Variants in EPHB1 observed in about 807,000 individuals in gnomAD.
EPHB1 encodes the protein EPH receptor B1, also known as ephrin type-B receptor 1.
In EPHB1, 30 loss-of-function variants were observed where a neutral mutation model predicts 94.4. That is an observed-to-expected ratio of 0.32 (90% CI 0.24 to 0.43). The LOEUF (loss-of-function observed/expected upper bound fraction) is 0.43. Ranked by LOEUF, EPHB1 falls within the 20% of genes least tolerant of loss-of-function variation. The probability of loss-of-function intolerance (pLI) is 1.00; values close to 1 mark genes in which losing one functional copy is unlikely to be tolerated. For missense variants in EPHB1, 1,055 were observed against 1,308.3 expected, an observed-to-expected ratio of 0.81 and a Z score of 2.99; for synonymous variants, 522 against 489.1, an observed-to-expected ratio of 1.07 and a Z score of -0.89.
chr3:134,978,788 C>T (rs1202868814), intron 3 of EPHB1, among the ~76,000 whole-genome samples: 1 of 152,220 alleles, frequency 6.6e-6, no homozygotes, highest in Non-Finnish European at 1.5e-5. Flanking sequence ...CTCCAGGTTG[C>T]TCCTGTGGCT....
chr3:134,916,476 T>C (rs2038571567), intron 1 of EPHB1, among the ~76,000 whole-genome samples: 1 of 152,188 alleles, frequency 6.6e-6, no homozygotes, highest in Non-Finnish European at 1.5e-5. Context: ...GGCTTAGGCA[T>C]GGCGGGCTGC....
chr3:134,952,032 A>G lies in EPHB1; in HGVS notation c.785A>G (p.Glu262Gly). ...ACCTGCAAGCCTGGCTATGAGCCTG[A>G]GAACAGCGTGGCATGCAAGGGTAAG... ...RCTCKPGYEP[E>G]NSVACKACPA... is the part of the protein sequence containing the mutation. Residue 262 changes from glutamate (E) to glycine (G), a missense_variant, in exon 3 of 16, where the codon GAG becomes GGG. Transcript: ENST00000398015. 6.2e-7 allele frequency: 1 copy of G among 1,608,616 alleles called. No individual in the cohort carries two copies.
chr3:134,971,283 C>T (rs1050790976), intron 3 of EPHB1, among the ~76,000 whole-genome samples: 7 of 152,174 alleles, frequency 4.6e-5, no homozygotes, highest in African/African-American at 1.7e-4. Flanking sequence ...TTGTTCTCTG[C>T]AAATGGAGCT....
intron 10 of EPHB1, among the ~76,000 whole-genome samples, chr3:135,180,434 A>G (rs1501195): frequency 0.44 from 66,742 of 152,104 alleles, 15,161 homozygotes; most frequent in East Asian, 0.71. Flanking sequence ...ACCATGATGA[A>G]TAGAAGAGAG....
intron 3 of EPHB1, among the ~76,000 whole-genome samples, chr3:134,985,805 T>C (rs535487924): frequency 6.6e-6 from 1 of 152,288 alleles, no homozygotes; most frequent in African/African-American, 2.4e-5. Context: ...TGCCTCCACC[T>C]AGATTGATTT....
chr3:135,098,255 C>T (rs1938881365), intron 3 of EPHB1, among the ~76,000 whole-genome samples: 1 of 152,074 alleles, frequency 6.6e-6, no homozygotes, highest in South Asian at 2.1e-4. Flanking sequence ...ATATGTAATA[C>T]AAAACATTGA....
intron 12 of EPHB1, among the ~76,000 whole-genome samples, chr3:135,236,999 C>A (rs1943671295): frequency 6.6e-6 from 1 of 152,166 alleles, no homozygotes; most frequent in Non-Finnish European, 1.5e-5. Flanking sequence ...AGTGTGCTGG[C>A]TGGATGGTGT....
At position 135,201,468 on chromosome 3, in the gene EPHB1, T is replaced by A; in HGVS notation, c.2131-6T>A. On this transcript the variant is annotated splice_polypyrimidine_tract_variant and splice_region_variant and intron_variant, in intron 11 of 15. Transcript: ENST00000398015. Reference sequence around the variant, plus strand: ...TGATCCCAATGCCCTCTATGTCTTATTACAGCAAAATGACGGGCAGTTCAC... The same window carrying A: ...TGATCCCAATGCCCTCTATGTCTTAATACAGCAAAATGACGGGCAGTTCAC... 3 of 1,613,926 alleles carry A rather than the reference T, an allele frequency of 1.9e-6. No homozygotes were observed. Among genetic ancestry groups the A allele is most frequent in the Non-Finnish European group, 2.5e-6 (3 of 1,179,952 alleles).
chr3:134,922,778 T>C (rs971571308), intron 1 of EPHB1, among the ~76,000 whole-genome samples: 3 of 152,086 alleles, frequency 2.0e-5, no homozygotes, highest in Non-Finnish European at 2.9e-5. Flanking sequence ...GCAGAGCCCC[T>C]CAAAAGCCCA....
chr3:135,073,387 A>G (rs1407604974), intron 3 of EPHB1, among the ~76,000 whole-genome samples: 1 of 152,232 alleles, frequency 6.6e-6, no homozygotes, highest in African/African-American at 2.4e-5. Flanking sequence ...GCAAAAGTAG[A>G]GAGAGTTGTA....
intron 3 of EPHB1, among the ~76,000 whole-genome samples, chr3:134,958,646 A>G (rs1327778447): frequency 3.3e-5 from 5 of 152,138 alleles, no homozygotes; most frequent in African/African-American, 9.7e-5. Flanking sequence ...TGAGCTTCAT[A>G]ATAGGATTTC....
At chr3:135,050,137 G>A (rs191739530) in intron 3 of EPHB1, among the ~76,000 whole-genome samples, 1 of 152,338 alleles carries the variant, frequency 6.6e-6, no homozygotes, top group Admixed American at 6.5e-5. Flanking sequence ...AAATGATATA[G>A]AGATACATTC....
intron 9 of EPHB1, among the ~76,000 whole-genome samples, chr3:135,173,906 A>C (rs1389905988): frequency 6.6e-6 from 1 of 152,184 alleles, no homozygotes; most frequent in Non-Finnish European, 1.5e-5. Context: ...GTGATTCTAG[A>C]GGTCTTGGCA....
chr3:135,241,258 A>G lies in EPHB1; in HGVS notation c.2457A>G (p.Ser819=). 1 of 1,614,200 alleles carries G rather than the reference A, an allele frequency of 6.2e-7. No individual in the cohort carries two copies. Among genetic ancestry groups the G allele is most frequent in the Non-Finnish European group, 8.5e-7 (1 of 1,180,024 alleles). Residue 819 remains serine (S), a synonymous_variant, in exon 13 of 16, where the codon TCA becomes TCG. Coordinates refer to ENST00000398015, the MANE Select transcript of EPHB1 (RefSeq NM_004441.5). ...GGATCGTCATGTGGGAAGTCATGTCATTTGGAGAGAGACCCTATTGGGATA... is the reference window on the plus strand; with the variant it reads ...GGATCGTCATGTGGGAAGTCATGTCGTTTGGAGAGAGACCCTATTGGGATA... ...SYGIVMWEVM[S]FGERPYWDMS...
intron 1 of EPHB1, among the ~76,000 whole-genome samples, chr3:134,832,644 AAAC>A (rs1216322141): frequency 6.6e-6 from 1 of 152,244 alleles, no homozygotes; most frequent in East Asian, 1.9e-4. Flanking sequence ...TGTCAATGGA[AAAC>A]AATCTCACTT....
At chr3:135,030,955 C>T (rs1221181320) in intron 3 of EPHB1, among the ~76,000 whole-genome samples, 1 of 152,176 alleles carries the variant, frequency 6.6e-6, no homozygotes, top group Non-Finnish European at 1.5e-5. Flanking sequence ...GTCGGAAAAG[C>T]GCAGTATTCG....
At chr3:134,922,239 A>G (rs981783754) in intron 1 of EPHB1, among the ~76,000 whole-genome samples, 1 of 151,930 alleles carries the variant, frequency 6.6e-6, no homozygotes, top group African/African-American at 2.4e-5. Context: ...ATAAATGCAA[A>G]TGAGTGCGCT....
At chr3:135,098,348 G>A (rs1287004940) in intron 3 of EPHB1, among the ~76,000 whole-genome samples, 3 of 152,120 alleles carry the variant, frequency 2.0e-5, no homozygotes, top group Admixed American at 6.5e-5. Flanking sequence ...TTGAGTGTGT[G>A]TGTGTGTGTG....
At chr3:135,053,321 T>C (rs1161091664) in intron 3 of EPHB1, among the ~76,000 whole-genome samples, 1 of 151,970 alleles carries the variant, frequency 6.6e-6, no homozygotes, top group African/African-American at 2.4e-5. Context: ...TGTAACATAC[T>C]ATATATTATT....
Sources: gnomAD v4.1 joint callset for allele counts (sites outside exome capture counted in the v4.1 genomes callset) on GRCh38, gnomAD v4.1.1 for gene constraint, MANE v1.5 for transcripts, NCBI Gene and HGNC (gene_info 2026-07-23, HGNC 2026-07-21) for gene names.